TFAP2D: variants seen among roughly 807,000 people sequenced by gnomAD.
TFAP2D encodes the protein transcription factor AP-2-delta.
In TFAP2D, 9 loss-of-function variants were observed where a neutral mutation model predicts 43.6. That is an observed-to-expected ratio of 0.21 (90% CI 0.12 to 0.36). The LOEUF is 0.36. Ranked by LOEUF, TFAP2D falls within the 10% of genes least tolerant of loss-of-function variation. TFAP2D has a pLI of 1.00. For synonymous variants in TFAP2D, 256 were observed against 224.9 expected (o/e 1.14, Z -1.24); for missense variants, 513 against 561.4 (o/e 0.91, Z 0.87).
intron 1 of TFAP2D, among the ~76,000 whole-genome samples, chr6:50,714,599 A>G (rs1768583135): frequency 1.3e-5 from 2 of 152,152 alleles, no homozygotes. Context: ...TTTAAAATAT[A>G]TGGACAATGA....
At chr6:50,762,405 C>T (rs1433431175) in intron 7 of TFAP2D, among the ~76,000 whole-genome samples, 3 of 151,998 alleles carry the variant, frequency 2.0e-5, no homozygotes, top group African/African-American at 7.2e-5. Flanking sequence ...ACACTACACA[C>T]ACGAGTGCAA....
At chr6:50,725,723 A>G (rs1768798546) in intron 3 of TFAP2D, among the ~76,000 whole-genome samples, 1 of 152,004 alleles carries the variant, frequency 6.6e-6, no homozygotes, top group Admixed American at 6.5e-5. Context: ...AAGAAGTATC[A>G]CTCCCTCAGC....
At chr6:50,743,369 T>C (rs1226158848) in intron 5 of TFAP2D, among the ~76,000 whole-genome samples, 1 of 151,712 alleles carries the variant, frequency 6.6e-6, no homozygotes, top group African/African-American at 2.4e-5. Flanking sequence ...TGTTTTGTTT[T>C]GTTTTGTTTT....
At chr6:50,751,483 T>C (rs1461052545) in intron 7 of TFAP2D, among the ~76,000 whole-genome samples, 159 bp downstream of exon 7, 1 of 151,978 alleles carries the variant, frequency 6.6e-6, no homozygotes, top group East Asian at 1.9e-4. Context: ...GGGTAATTTA[T>C]AAACAACAGA....
At chr6:50,763,721 A>G (rs1769401417) in intron 7 of TFAP2D, among the ~76,000 whole-genome samples, 1 of 152,170 alleles carries the variant, frequency 6.6e-6, no homozygotes, top group African/African-American at 2.4e-5. Flanking sequence ...GAATCTGAAA[A>G]TTATTATACT....
chr6:50,733,490 T>A (rs1043462637), intron 5 of TFAP2D, among the ~76,000 whole-genome samples: 1 of 152,108 alleles, frequency 6.6e-6, no homozygotes, highest in African/African-American at 2.4e-5. Flanking sequence ...TTGGAATAAT[T>A]TTATACTCTT....
At chr6:50,731,449 TACACACACAC>T (rs35052459) in intron 5 of TFAP2D, among the ~76,000 whole-genome samples, 1 of 149,274 alleles carries the variant, frequency 6.7e-6, no homozygotes, top group African/African-American at 2.5e-5. Context: ...CCCACTTTCA[TACACACACAC>T]ACACACACAC....
At chr6:50,758,454 C>T (rs528186401) in intron 7 of TFAP2D, among the ~76,000 whole-genome samples, 15 of 151,914 alleles carry the variant, frequency 9.9e-5, no homozygotes, top group Non-Finnish European at 2.2e-4. Flanking sequence ...TTACTTTCAT[C>T]CTGGTTCCCT....
rs763074648 is a variant in TFAP2D, at chr6:50,728,862, C to G, written c.605C>G (p.Thr202Ser). 4.3e-6 allele frequency: 7 copies of G among 1,613,736 alleles called. No individual in the cohort carries two copies. The highest frequency in any genetic ancestry group is 5.9e-6 in the Non-Finnish European group (7 of 1,179,800). The change falls in exon 4 of 8, where the codon ACC (threonine) becomes AGC (serine). Residue 202 changes from threonine to serine, a missense_variant. By Grantham distance (58) the Thr-to-Ser change is moderately conservative. Transcript: ENST00000008391. ...GQGGVIRRGG[T>S]CVVNPTDLFC... The stretch of plus-strand genomic sequence containing the variant: ...ATACTTTTTTTCTCCCAAGGTGGCA[C>G]CTGTGTGGTCAACCCCACAGACTTA...
At chr6:50,714,157 G>A in intron 1 of TFAP2D, 63 bp downstream of exon 1, 1 of 1,539,966 alleles carries the variant, frequency 6.5e-7, no homozygotes, top group East Asian at 2.3e-5. Context: ...GGCGGCGGTG[G>A]CGGCGGTGGC....
At chr6:50,757,806 T>TC (rs1554157143) in intron 7 of TFAP2D, among the ~76,000 whole-genome samples, 1 of 103,676 alleles carries the variant, frequency 9.6e-6, no homozygotes, top group Non-Finnish European at 2.0e-5. Context: ...ATATATATAA[T>TC]TATATATATA....
chr6:50,719,312 G>A (rs534303908), intron 3 of TFAP2D, among the ~76,000 whole-genome samples, 162 bp downstream of exon 3: 38 of 152,260 alleles, frequency 2.5e-4, no homozygotes, highest in African/African-American at 8.9e-4. Flanking sequence ...ACATTAAAAA[G>A]CCTCCTTTCT....
chr6:50,754,339 T>A (rs1404895199), intron 7 of TFAP2D, among the ~76,000 whole-genome samples: 1 of 151,950 alleles, frequency 6.6e-6, no homozygotes, highest in Non-Finnish European at 1.5e-5. Flanking sequence ...TTTCTGTGTG[T>A]GTGTATGTGT....
In TFAP2D at chr6:50,764,648, C is replaced by G. The variant is rs951629877; in HGVS notation, c.1140-7997C>G. 2.6e-5 allele frequency among the ~76,000 whole-genome samples: 4 copies of G among 152,124 alleles called. No homozygotes were observed. In the South Asian group the frequency reaches 8.3e-4, roughly 32 times the overall value. ...AAATATCACTGCAGAAACTGGTGTC[C>G]CCACTCCTTCTTCCCCAGGCTAGAC... On this transcript the variant is annotated intron_variant, in intron 7 of 7. Transcript: ENST00000008391.
chr6:50,722,681 G>C (rs998695516), intron 3 of TFAP2D, among the ~76,000 whole-genome samples: 1 of 152,092 alleles, frequency 6.6e-6, no homozygotes, highest in South Asian at 2.1e-4. Flanking sequence ...ATCGCAGGGT[G>C]GGGGTACAAG....
intron 1 of TFAP2D, 150 bp downstream of exon 1, chr6:50,714,244 A>C (rs1427903918): frequency 6.3e-6 from 6 of 949,586 alleles, no homozygotes; most frequent in Non-Finnish European, 7.7e-6. Flanking sequence ...TTTCGGGGGA[A>C]GTTAAGGAAG....
rs200425037 is a variant in TFAP2D at position 50,719,166 on chromosome 6, C to T, written c.598+16C>T. On this transcript the variant is annotated intron_variant, in intron 3 of 7. Coordinates refer to ENST00000008391, the MANE Select transcript of TFAP2D (RefSeq NM_172238.4). ...ATAAGAAGAGGTAAGTAACAAGTAA[C>T]AACATGTTAACCCTAGACATTCTTC... The T allele has an allele frequency of 2.5e-6, 4 of 1,611,066 alleles. No individual in the cohort carries two copies. The highest frequency in any genetic ancestry group is 3.4e-6 in the Non-Finnish European group (4 of 1,177,816).
chr6:50,726,325 A>G (rs1184577507), intron 3 of TFAP2D, among the ~76,000 whole-genome samples: 2 of 152,200 alleles, frequency 1.3e-5, no homozygotes, highest in Non-Finnish European at 2.9e-5. Flanking sequence ...TAAAGATAAG[A>G]AAGTTCTAAA....
chr6:50,718,980 A>T, intron 2 of TFAP2D, 110 bp from the exon 3 acceptor site: 1 of 1,038,624 alleles, frequency 9.6e-7, no homozygotes, highest in South Asian at 1.6e-5. Flanking sequence ...TTGCTTTCAA[A>T]TGTCTACTGA....
Sources: gnomAD v4.1 joint callset for allele counts (sites outside exome capture counted in the v4.1 genomes callset) on GRCh38, gnomAD v4.1.1 for gene constraint, MANE v1.5 for transcripts, NCBI Gene and HGNC (gene_info 2026-07-23, HGNC 2026-07-21) for gene names.